The following MED23 variants were observed in gnomAD, a reference collection of about 807,000 sequenced individuals.
MED23 encodes mediator complex subunit 23.
In MED23, 105 loss-of-function variants were observed where a neutral mutation model predicts 163.9. The ratio of observed to expected loss-of-function variants is 0.64; its 90% CI spans 0.55 to 0.75. MED23 has a LOEUF of 0.75. Among genes scored for constraint, MED23 ranks in the 30% least tolerant of loss-of-function variants. The probability of loss-of-function intolerance (pLI) is 0.00; values close to 1 mark genes in which losing one functional copy is unlikely to be tolerated. For synonymous variants in MED23, 561 were observed against 565.6 expected (o/e 0.99, Z 0.12); for missense variants, 1,054 against 1,649.0 (o/e 0.64, Z 6.25).
rs1305214988 is a variant in MED23 at position 131,591,465 on chromosome 6, C to A, written c.3534G>T (p.Thr1178=). ...GATAGCCAACCCACTCTGTTTCAGA[C>A]GTCAAGCTGGGGCTGCTGATGACAC... ...IVSVISSPSL[T]SETEWVGYPF... is the part of the protein sequence containing the mutation. The change falls in exon 26 of 29, where the codon ACG becomes ACT. Residue 1178 remains threonine, a synonymous_variant. Coordinates refer to ENST00000368068, the MANE Select transcript of MED23 (RefSeq NM_004830.4). The A allele has an allele frequency of 6.2e-7, 1 of 1,613,914 alleles. No homozygotes were observed. The highest frequency in any genetic ancestry group is 8.5e-7 in the Non-Finnish European group (1 of 1,179,852).
chr6:131,627,570 A>G, intron 2 of MED23, 71 bp downstream of exon 2: 5 of 1,596,862 alleles, frequency 3.1e-6, no homozygotes, highest in East Asian at 2.2e-5. Context: ...TAACCTTCCA[A>G]CACGAAACTA....
chr6:131,590,371 C>T lies in MED23; in HGVS notation c.3758G>A (p.Gly1253Glu). The T allele has an allele frequency of 6.2e-7, 1 of 1,611,084 alleles. No homozygotes were observed. The highest frequency in any genetic ancestry group is 8.5e-7 in the Non-Finnish European group (1 of 1,177,536). Residue 1253 changes from glycine (G) to glutamate (E), a missense_variant, in exon 27 of 29, where the codon GGA becomes GAA. Physicochemically the swap from Gly to Glu is moderately conservative, Grantham distance 98 (BLOSUM62 -2). Around this residue, in one of 11 missense-constraint regions of MED23, gnomAD observed 362 missense variants for 471.6 expected, o/e 0.77. Coordinates refer to ENST00000368068, the MANE Select transcript of MED23 (RefSeq NM_004830.4). Reference sequence around the variant, plus strand: ...TTGCTGAAATCTTTGTAAAAATGGTCCAACAAGATGGTATACATAAAGCAA... The same window carrying T: ...TTGCTGAAATCTTTGTAAAAATGGTTCAACAAGATGGTATACATAAAGCAA... Reference protein sequence around the residue: ...FQLLYVYHLVGPFLQRFQQER... With the variant: ...FQLLYVYHLVEPFLQRFQQER...
chr6:131,617,890 A>C (rs1375223283), intron 9 of MED23, among the ~76,000 whole-genome samples: 1 of 152,224 alleles, frequency 6.6e-6, no homozygotes. Context: ...ATGTGACTTC[A>C]GATATAGTCA....
intron 18 of MED23, 51 bp downstream of exon 18, chr6:131,599,987 T>C: frequency 6.2e-7 from 1 of 1,603,190 alleles, no homozygotes; most frequent in Non-Finnish European, 8.5e-7. Context: ...CCATTGTGAA[T>C]GGGAAGAAGG....
intron 30 of MED23, among the ~76,000 whole-genome samples, chr6:131,576,982 G>C (rs919900909): frequency 8.6e-5 from 13 of 152,030 alleles, no homozygotes; most frequent in African/African-American, 1.4e-4. Context: ...GATAAATTGT[G>C]TGTGCAAGAA....
At chr6:131,597,284 G>A (rs1018762895) in intron 20 of MED23, among the ~76,000 whole-genome samples, 4 of 151,840 alleles carry the variant, frequency 2.6e-5, no homozygotes, top group South Asian at 2.1e-4. Flanking sequence ...AGCCCATCCT[G>A]GCTAACACGG....
At chr6:131,609,733 CATATAT>C (rs921959930) in intron 11 of MED23, among the ~76,000 whole-genome samples, 1 of 144,728 alleles carries the variant, frequency 6.9e-6, no homozygotes, top group African/African-American at 2.5e-5. Flanking sequence ...TATACACATA[CATATAT>C]ATATATGTAT....
rs200644392 is a variant in MED23 at position 131,594,175 on chromosome 6, A to G, written c.3156T>C (p.Ala1052=). ...WCLSDTYLKC[A]MNAREENPWV... is the part of the protein sequence containing the mutation. ...AAGGATTTTCCTCTCGTGCATTCATAGCGCATTTCAGGTAAGTGTCACTTA... is the reference window on the plus strand; with the variant it reads ...AAGGATTTTCCTCTCGTGCATTCATGGCGCATTTCAGGTAAGTGTCACTTA... The change falls in exon 23 of 29, where the codon GCT becomes GCC. Residue 1052 remains alanine (A), a synonymous_variant. Transcript: ENST00000368068. The G allele has an allele frequency of 6.2e-7, 1 of 1,614,180 alleles. No individual in the cohort carries two copies. The highest frequency in any genetic ancestry group is 8.5e-7 in the Non-Finnish European group (1 of 1,180,024).
chr6:131,627,329 G>GAAAAAAAAAAAAAA, intron 3 of MED23, 67 bp downstream of exon 3: 8 of 871,704 alleles, frequency 9.2e-6, no homozygotes, highest in Admixed American at 2.7e-5. Context: ...AATGTTAAAA[G>GAAAAAAAAAAAAAA]AAAAAAAAAA....
intron 30 of MED23, chr6:131,574,414 A>G: frequency 8.8e-7 from 1 of 1,135,858 alleles, no homozygotes; most frequent in Non-Finnish European, 1.3e-6. Flanking sequence ...ACACAGGGAC[A>G]TTTTGCTGAC....
chr6:131,615,193 TG>T (rs1776584838), intron 10 of MED23: 2 of 824,160 alleles, frequency 2.4e-6, no homozygotes, highest in Non-Finnish European at 3.7e-6. Context: ...CGTTTTTTAG[TG>T]GCCTTGGTCT....
chr6:131,611,070 C>T (rs1776246028), intron 10 of MED23, among the ~76,000 whole-genome samples: 1 of 152,098 alleles, frequency 6.6e-6, no homozygotes, highest in African/African-American at 2.4e-5. Flanking sequence ...AAGCCATTTT[C>T]ATATTTCCTT....
At position 131,602,243 on chromosome 6, in the gene MED23, G is replaced by C. The variant is rs773756693; in HGVS notation, c.2070C>G (p.Thr690=). The change falls in exon 17 of 29, where the codon ACC becomes ACG. Residue 690 remains threonine (T), a synonymous_variant. Coordinates refer to ENST00000368068, the MANE Select transcript of MED23 (RefSeq NM_004830.4). The part of the protein sequence containing the change: ...SEELNRALIL[T]LARATHVTDF... ...CTGTTACATGAGTTGCTCTAGCCAA[G>C]GTCAATATCAAGGCTCGGTTCAGTT... 6.2e-7 allele frequency: 1 copy of C among 1,613,826 alleles called. No homozygotes were observed. The highest frequency in any genetic ancestry group is 1.1e-5 in the South Asian group (1 of 91,072).
At chr6:131,596,751 T>C in intron 20 of MED23, 63 bp from the exon 21 acceptor site, 1 of 1,448,586 alleles carries the variant, frequency 6.9e-7, no homozygotes, top group Non-Finnish European at 9.7e-7. Flanking sequence ...ATGAGGGCCA[T>C]CTGAAAGCCT....
chr6:131,622,867 A>G (rs955503166), intron 5 of MED23, among the ~76,000 whole-genome samples: 6 of 152,196 alleles, frequency 3.9e-5, no homozygotes, highest in Non-Finnish European at 8.8e-5. Flanking sequence ...TTTTGTAGCT[A>G]TGGAGTCCCT....
downstream of MED23, chr6:131,584,221 G>A (rs1417275513): frequency 9.7e-6 from 3 of 310,314 alleles, no homozygotes; most frequent in South Asian, 1.1e-4. Context: ...CCCATACATA[G>A]AGTGGGACTC....
In MED23 at chr6:131,586,795, G is replaced by A. The variant is rs545575453; in HGVS notation, c.*884C>T. 1.1e-4 allele frequency: 169 copies of A among 1,496,628 alleles called. 1 individual carries two copies. Among genetic ancestry groups the A allele is most frequent in the Non-Finnish European group, 1.4e-4 (152 of 1,114,530 alleles). 92.7% of individuals were successfully genotyped at this position (1,496,628 alleles called of 1,614,324 possible). The stretch of plus-strand genomic sequence containing the variant: ...TTACTCATTAGTTTTCAAGTCTTTC[G>A]CAATGCCAATTCCCCCAAAATTAAC... On this transcript the variant is annotated 3_prime_UTR_variant, in exon 29 of 29. Coordinates refer to ENST00000368068, the MANE Select transcript of MED23 (RefSeq NM_004830.4).
intron 21 of MED23, 94 bp from the exon 22 acceptor site, chr6:131,596,257 TG>T: frequency 8.4e-7 from 1 of 1,194,602 alleles, no homozygotes; most frequent in Non-Finnish European, 1.2e-6. Context: ...GATTTTTTTT[TG>T]CAAGGAAACA....
intron 28 of MED23, among the ~76,000 whole-genome samples, chr6:131,588,450 T>C (rs1255420847): frequency 1.3e-5 from 2 of 152,260 alleles, no homozygotes; most frequent in East Asian, 1.9e-4. Flanking sequence ...TTTTCCTTTC[T>C]GTACTCCCTT....
Sources: gnomAD v4.1 joint callset for allele counts (sites outside exome capture counted in the v4.1 genomes callset) on GRCh38, gnomAD v4.1.1 for gene constraint, gnomAD v4.1.1 regional missense constraint, MANE v1.5 for transcripts, NCBI Gene and HGNC (gene_info 2026-07-23, HGNC 2026-07-21) for gene names.